The following TMEM132D variants were observed in gnomAD, a reference collection of about 807,000 sequenced individuals.
TMEM132D encodes the protein mature OL transmembrane protein.
In TMEM132D, 21 loss-of-function variants were observed where a neutral mutation model predicts 62.3. That is an observed-to-expected ratio of 0.34 (90% CI 0.24 to 0.49). The LOEUF (loss-of-function observed/expected upper bound fraction) is 0.49. Ranked by LOEUF, TMEM132D falls within the 20% of genes least tolerant of loss-of-function variation. The probability of loss-of-function intolerance (pLI) is 0.99; values close to 1 mark genes in which losing one functional copy is unlikely to be tolerated. For missense variants in TMEM132D, 1,346 were observed against 1,402.8 expected (o/e 0.96, Z 0.65); for synonymous variants, 621 against 575.6 (o/e 1.08, Z -1.13).
chr12:129,096,830 C>G (rs1235390597), intron 5 of TMEM132D, among the ~76,000 whole-genome samples: 1 of 152,186 alleles, frequency 6.6e-6, no homozygotes, highest in Non-Finnish European at 1.5e-5. Flanking sequence ...TCCCAGGAAG[C>G]TCTGTTATTT....
intron 2 of TMEM132D, among the ~76,000 whole-genome samples, chr12:129,563,141 G>A (rs1252584500): frequency 6.6e-6 from 1 of 152,144 alleles, no homozygotes; most frequent in Non-Finnish European, 1.5e-5. Context: ...GGGTGCTTTG[G>A]TCTATTCCAA....
At chr12:129,886,766 C>T (rs569412353) in intron 1 of TMEM132D, among the ~76,000 whole-genome samples, 2 of 152,186 alleles carry the variant, frequency 1.3e-5, no homozygotes, top group Admixed American at 6.5e-5. Flanking sequence ...CTCCACGTGT[C>T]GTGGAAGGGA....
intron 1 of TMEM132D, among the ~76,000 whole-genome samples, chr12:129,708,179 T>C (rs931822711): frequency 2.6e-5 from 4 of 152,070 alleles, no homozygotes; most frequent in Admixed American, 2.0e-4. Context: ...ATCGCACCAG[T>C]GCACTCCAGC....
rs1240233069 is a variant in TMEM132D at position 129,081,911 on chromosome 12, C to T, written c.1771G>A (p.Gly591Arg). The T allele has an allele frequency of 3.7e-6, 6 of 1,614,050 alleles. No individual in the cohort carries two copies. Among genetic ancestry groups the T allele is most frequent in the Non-Finnish European group, 5.1e-6 (6 of 1,180,022 alleles). The change falls in exon 7 of 9, where the codon GGG (glycine) becomes AGG (arginine). Residue 591 changes from glycine to arginine, a missense_variant. Gly to Arg is a moderately radical substitution (Grantham distance 125, BLOSUM62 -2). Transcript: ENST00000422113. The stretch of plus-strand genomic sequence containing the variant: ...CCCAGCAGGTGGGCCAGGTGTCCCC[C>T]AGGGCCGGCCGCCTCAGCCACAAAC... ...TQFVAEAAGPGGHLAHLLGSD... is the reference protein window; with the variant it reads ...TQFVAEAAGPRGHLAHLLGSD...
intron 2 of TMEM132D, among the ~76,000 whole-genome samples, chr12:129,550,794 C>A (rs1876872831): frequency 6.6e-6 from 1 of 152,162 alleles, no homozygotes; most frequent in Admixed American, 6.5e-5. Context: ...GCAGATATGG[C>A]AGATTGTATT....
intron 1 of TMEM132D, among the ~76,000 whole-genome samples, chr12:129,760,394 C>T (rs1223180565): frequency 1.4e-5 from 2 of 141,790 alleles, no homozygotes; most frequent in East Asian, 2.1e-4. Flanking sequence ...TGCAGTGGCG[C>T]GATCTCGGCT....
At chr12:129,648,269 C>T (rs145603400) in intron 2 of TMEM132D, among the ~76,000 whole-genome samples, 113 of 152,222 alleles carry the variant, frequency 7.4e-4, no homozygotes, top group Middle Eastern at 6.8e-3. Context: ...CTGTGACCTC[C>T]ACCCAGGAGC....
intron 1 of TMEM132D, among the ~76,000 whole-genome samples, chr12:129,711,616 A>T (rs1373971629): frequency 6.6e-6 from 1 of 151,642 alleles, no homozygotes; most frequent in Non-Finnish European, 1.5e-5. Context: ...AATCCCAGCT[A>T]CTTAGGAGGC....
intron 1 of TMEM132D, among the ~76,000 whole-genome samples, chr12:129,750,483 A>T (rs1869964159): frequency 6.6e-6 from 1 of 152,156 alleles, no homozygotes; most frequent in Non-Finnish European, 1.5e-5. Flanking sequence ...TTATGGTTTG[A>T]CCTCTCTATT....
At chr12:129,712,167 C>T (rs536219680) in intron 1 of TMEM132D, among the ~76,000 whole-genome samples, 15 of 152,236 alleles carry the variant, frequency 9.9e-5, no homozygotes, top group African/African-American at 3.4e-4. Flanking sequence ...CTCTGTCACC[C>T]AGAGTGGAGT....
intron 2 of TMEM132D, among the ~76,000 whole-genome samples, chr12:129,662,414 C>G (rs764576559): frequency 3.3e-5 from 5 of 152,164 alleles, no homozygotes. Flanking sequence ...TTACTCACCA[C>G]GGCTAATGAC....
At chr12:129,429,817 G>A (rs1872603708) in intron 3 of TMEM132D, among the ~76,000 whole-genome samples, 1 of 146,608 alleles carries the variant, frequency 6.8e-6, no homozygotes, top group Admixed American at 7.1e-5. Flanking sequence ...TCTCACCTGA[G>A]TGAGAACACG....
intron 3 of TMEM132D, among the ~76,000 whole-genome samples, chr12:129,487,270 G>T (rs1472858880): frequency 6.6e-6 from 1 of 152,226 alleles, no homozygotes; most frequent in Non-Finnish European, 1.5e-5. Flanking sequence ...TGCCGTCACA[G>T]AGGCAGGTGT....
intron 1 of TMEM132D, among the ~76,000 whole-genome samples, chr12:129,788,742 C>A (rs931317739): frequency 3.3e-5 from 5 of 152,098 alleles, no homozygotes; most frequent in African/African-American, 1.2e-4. Context: ...TACCAAGGAA[C>A]AAGACACTGG....
At chr12:129,421,384 G>C (rs912760855) in intron 3 of TMEM132D, among the ~76,000 whole-genome samples, 13 of 152,212 alleles carry the variant, frequency 8.5e-5, no homozygotes, top group African/African-American at 3.1e-4. Context: ...CACTAATCCA[G>C]TGGTTCTCAT....
At chr12:129,274,686 A>C (rs1432786962) in intron 4 of TMEM132D, among the ~76,000 whole-genome samples, 1 of 152,136 alleles carries the variant, frequency 6.6e-6, no homozygotes, top group Non-Finnish European at 1.5e-5. Flanking sequence ...GGAGATCGAG[A>C]CCATCCTGGC....
intron 3 of TMEM132D, among the ~76,000 whole-genome samples, chr12:129,427,747 A>G (rs1872539362): frequency 6.6e-6 from 1 of 152,074 alleles, no homozygotes; most frequent in South Asian, 2.1e-4. Context: ...AAAAAAAACA[A>G]AACCAAAATC....
At chr12:129,528,737 G>A (rs1876129127) in intron 3 of TMEM132D, among the ~76,000 whole-genome samples, 1 of 152,202 alleles carries the variant, frequency 6.6e-6, no homozygotes, top group South Asian at 2.1e-4. Context: ...CCTAATTCTA[G>A]AACAAATTAT....
rs1425415755 is a variant in TMEM132D, at chr12:129,257,231, G to C, written c.1300-47568C>G. Among the ~76,000 whole-genome samples the C allele has an allele frequency of 4.4e-5, 6 of 135,022 alleles. No homozygotes were observed. In the East Asian group the frequency reaches 1.1e-3, roughly 24 times the overall value. The allele number at this position is 135,022 out of a possible 152,430, so 88.6% of individuals were successfully genotyped here. A position where few individuals can be genotyped will look rare whatever the true frequency, so the allele number is the denominator to read the frequency against. On this transcript the variant is annotated intron_variant, in intron 4 of 8. Transcript: ENST00000422113. ...TTTTTTTTTTTTTTTTTTTGAGATA[G>C]AGTCTCACTCTGTCGCCCAGGCAGG...
Sources: gnomAD v4.1 joint callset for allele counts (sites outside exome capture counted in the v4.1 genomes callset) on GRCh38, gnomAD v4.1.1 for gene constraint, MANE v1.5 for transcripts, NCBI Gene and HGNC (gene_info 2026-07-23, HGNC 2026-07-21) for gene names.